Variants in ITGA2 observed in about 807,000 individuals in gnomAD.
The protein encoded by ITGA2 is integrin alpha-2.
In ITGA2, 101 loss-of-function variants were observed where a neutral mutation model predicts 146.3. The ratio of observed to expected loss-of-function variants is 0.69; its 90% confidence interval spans 0.59 to 0.81. ITGA2 has a LOEUF of 0.81. Among genes scored for constraint, ITGA2 ranks in the 40% least tolerant of loss-of-function variants. The pLI, the probability that ITGA2 is intolerant of heterozygous loss-of-function variation, is 0.00. For missense variants in ITGA2, 1,281 were observed against 1,402.7 expected, an observed-to-expected ratio of 0.91 and a Z score of 1.39; for synonymous variants, 477 against 487.1, an observed-to-expected ratio of 0.98 and a Z score of 0.27.
At position 53,093,257 on chromosome 5, in the gene ITGA2, G is replaced by A. The variant is rs1010919927; in HGVS notation, c.*2658G>A. 5 of 152,174 alleles carry A rather than the reference G, an allele frequency of 3.3e-5. No individual in the cohort carries two copies. The highest frequency in any genetic ancestry group is 9.6e-5 in the African/African-American group (4 of 41,520). The allele number at this position is 152,174 out of a possible 1,614,324, so 9.4% of individuals were successfully genotyped here. A position where few individuals can be genotyped will look rare whatever the true frequency, so the allele number is the denominator to read the frequency against. On this transcript the variant is annotated 3_prime_UTR_variant, in exon 30 of 30. Coordinates refer to ENST00000296585, the MANE Select transcript of ITGA2 (RefSeq NM_002203.4). ...AAATAAGTGCTAAACATACATATAC[G>A]GAACTTGAAAGCTTTGGTTAGCCTT...
rs772708378 is a variant in ITGA2, at chr5:53,059,944, G to A, written c.1244G>A (p.Gly415Asp). The A allele has an allele frequency of 1.2e-6, 2 of 1,612,132 alleles. No homozygotes were observed. The highest frequency in any genetic ancestry group is 1.7e-5 in the Admixed American group (1 of 59,774). Residue 415 changes from glycine (G) to aspartate (D), a missense_variant, in exon 11 of 30, where the codon GGC (glycine) becomes GAC (aspartate). This residue lies in a region of ITGA2 where 795 missense variants were observed against 841.7 expected (regional missense o/e 0.94). Transcript: ENST00000296585. ...SGTIVQKTSH[G>D]HLIFPKQAFD... ...ACCATTGTCCAGAAGACATCTCATG[G>A]CCATTTGATCTTTCCTAAACAAGCC...
chr5:53,080,739 C>G, intron 25 of ITGA2, 118 bp downstream of exon 25: 2 of 765,134 alleles, frequency 2.6e-6, no homozygotes, highest in South Asian at 2.9e-5. Flanking sequence ...TCCTATGCAG[C>G]CTGGGTGCCA....
intron 4 of ITGA2, among the ~76,000 whole-genome samples, chr5:53,046,250 AC>A (rs140284076): frequency 0.038 from 5,811 of 151,518 alleles, 155 homozygotes; most frequent in East Asian, 0.073. Flanking sequence ...ATTCAACTTT[AC>A]ACTAGTTTTA....
chr5:53,025,099 G>A (rs1370292233), intron 1 of ITGA2, among the ~76,000 whole-genome samples: 1 of 152,040 alleles, frequency 6.6e-6, no homozygotes, highest in Non-Finnish European at 1.5e-5. Flanking sequence ...TCCAGAATTA[G>A]GTATTTTAAA....
intron 1 of ITGA2, among the ~76,000 whole-genome samples, chr5:53,009,169 A>G (rs1304230762): frequency 6.6e-6 from 1 of 152,138 alleles, no homozygotes; most frequent in Non-Finnish European, 1.5e-5. Context: ...CATAAACACA[A>G]TGCTAAGAAA....
intron 1 of ITGA2, among the ~76,000 whole-genome samples, chr5:53,021,927 C>A (rs570801440): frequency 6.6e-6 from 1 of 152,114 alleles, no homozygotes; most frequent in Non-Finnish European, 1.5e-5. Context: ...TCCCTGGGCA[C>A]GTTTTGCAAA....
intron 28 of ITGA2, among the ~76,000 whole-genome samples, chr5:53,088,301 G>C (rs906661505): frequency 2.0e-5 from 3 of 152,082 alleles, no homozygotes; most frequent in Non-Finnish European, 4.4e-5. Flanking sequence ...AAATCCATTA[G>C]ATTCCTCTTT....
At chr5:53,048,852 T>C (rs1744216983) in intron 6 of ITGA2, 82 bp downstream of exon 6, 3 of 1,471,640 alleles carry the variant, frequency 2.0e-6, no homozygotes, top group South Asian at 1.2e-5. Flanking sequence ...TTAATTTTTG[T>C]ATTTGCCAAA....
In ITGA2 at chr5:53,089,930, G is replaced by A. The variant is rs1428095686; in HGVS notation, c.3349-16G>A. ...TGTGGTATTAAAATAACTCAACTGT[G>A]AACTGACATTTCCAGATTCCCCTGA... On this transcript the variant is annotated splice_polypyrimidine_tract_variant and intron_variant, in intron 28 of 29. Coordinates refer to ENST00000296585, the MANE Select transcript of ITGA2 (RefSeq NM_002203.4). The A allele has an allele frequency of 6.8e-7, 1 of 1,472,218 alleles. No homozygotes were observed. The highest frequency in any genetic ancestry group is 1.1e-5 in the South Asian group (1 of 88,122). The allele number at this position is 1,472,218 out of a possible 1,614,324, so 91.2% of individuals were successfully genotyped here. A position where few individuals can be genotyped will look rare whatever the true frequency, so the allele number is the denominator to read the frequency against.
intron 1 of ITGA2, among the ~76,000 whole-genome samples, chr5:53,019,671 A>G (rs1742570147): frequency 6.6e-6 from 1 of 152,168 alleles, no homozygotes; most frequent in Non-Finnish European, 1.5e-5. Context: ...GAGTACAGGC[A>G]TGTGCCACCA....
intron 16 of ITGA2, among the ~76,000 whole-genome samples, chr5:53,069,843 C>T (rs185505438): frequency 2.0e-5 from 3 of 151,940 alleles, no homozygotes; most frequent in Middle Eastern, 6.8e-3. Flanking sequence ...GGTTTCCTGG[C>T]GGCAAGTCTA....
At chr5:53,008,205 A>G (rs779674433) in intron 1 of ITGA2, among the ~76,000 whole-genome samples, 2 of 151,542 alleles carry the variant, frequency 1.3e-5, no homozygotes, top group Non-Finnish European at 2.9e-5. Flanking sequence ...GTTGGTTTCT[A>G]CTGAGGACTC....
intron 1 of ITGA2, among the ~76,000 whole-genome samples, chr5:52,990,750 C>T (rs1336541670): frequency 2.0e-5 from 3 of 152,040 alleles, no homozygotes; most frequent in Admixed American, 1.3e-4. Flanking sequence ...CCAGCCCGAG[C>T]AGAGAATGGG....
chr5:53,041,977 A>T (rs1023236013), intron 2 of ITGA2, 135 bp from the exon 3 acceptor site: 3 of 673,936 alleles, frequency 4.5e-6, no homozygotes, highest in Non-Finnish European at 8.2e-6. Context: ...GAAAGGCAGC[A>T]GGTCAAATCA....
intron 7 of ITGA2, among the ~76,000 whole-genome samples, chr5:53,052,199 T>C (rs552815268): frequency 6.6e-6 from 1 of 152,230 alleles, no homozygotes; most frequent in South Asian, 2.1e-4. Flanking sequence ...TCAACCCATA[T>C]CTACATTAGG....
chr5:53,081,270 G>C (rs1201559577), intron 25 of ITGA2, among the ~76,000 whole-genome samples: 2 of 152,126 alleles, frequency 1.3e-5, no homozygotes, highest in African/African-American at 4.8e-5. Flanking sequence ...GTGTGCATAG[G>C]AGGCTACAGA....
rs1275343896 is a variant in ITGA2, at chr5:53,023,477, T to G, written c.65-3271T>G. On this transcript the variant is annotated intron_variant, in intron 1 of 29. Transcript: ENST00000296585. ...AAGGTTCTTTTTACCACTCTTTATTTTAACACTTATACATTTTGATGCCAT... is the reference window on the plus strand; with the variant it reads ...AAGGTTCTTTTTACCACTCTTTATTGTAACACTTATACATTTTGATGCCAT... Among the ~76,000 whole-genome samples the G allele has an allele frequency of 2.0e-5, 3 of 152,218 alleles. No homozygotes were observed. The East Asian group carries it at 5.8e-4, about 29-fold the overall frequency.
intron 2 of ITGA2, among the ~76,000 whole-genome samples, chr5:53,041,587 A>C (rs1012995813): frequency 1.3e-5 from 2 of 152,158 alleles, no homozygotes; most frequent in African/African-American, 4.8e-5. Context: ...AACAATACGT[A>C]GCCACGAGCC....
At position 53,091,037 on chromosome 5, in the gene ITGA2, T is replaced by TATTTTAATGAA; in HGVS notation, c.*438_*439insATTTTAATGAA. 1 of 356,566 alleles carries TATTTTAATGAA rather than the reference T, an allele frequency of 2.8e-6. No homozygotes were observed. 22.1% of individuals were successfully genotyped at this position (356,566 alleles called of 1,614,324 possible). On this transcript the variant is annotated 3_prime_UTR_variant, in exon 30 of 30. Transcript: ENST00000296585. The stretch of plus-strand genomic sequence containing the variant: ...GTGGAAGTGCTTGATATGTAAGTAC[T>TATTTTAATGAA]TCCACTTGTGTATATTTTAATGAAT...
Sources: allele counts gnomAD v4.1 joint callset (sites outside exome capture counted in the v4.1 genomes callset), GRCh38; gene constraint gnomAD v4.1.1; regional missense constraint gnomAD v4.1.1; transcripts MANE v1.5; gene names NCBI Gene and HGNC (gene_info 2026-07-23, HGNC 2026-07-21).